Variants in PCDH15 observed in about 807,000 individuals in gnomAD.
The protein encoded by PCDH15 is protocadherin related 15, also known as protocadherin-15.
A neutral mutation model predicts 178.5 loss-of-function variants in PCDH15; 129 were observed. That is an observed-to-expected ratio of 0.72 (90% CI 0.63 to 0.84). The LOEUF (loss-of-function observed/expected upper bound fraction) is 0.84. Ranked by LOEUF, PCDH15 falls within the 40% of genes least tolerant of loss-of-function variation. The pLI, the probability that PCDH15 is intolerant of heterozygous loss-of-function variation, is 0.00. For synonymous variants in PCDH15, 800 were observed against 732.0 expected, an observed-to-expected ratio of 1.09 and a Z score of -1.50; for missense variants, 2,230 against 2,099.9, an observed-to-expected ratio of 1.06 and a Z score of -1.21.
At chr10:55,436,436 A>G (rs569896516) in intron 2 of PCDH15, among the ~76,000 whole-genome samples, 1 of 152,284 alleles carries the variant, frequency 6.6e-6, no homozygotes, top group African/African-American at 2.4e-5. Flanking sequence ...ATTATGACAT[A>G]TAAGTTATTT....
intron 2 of PCDH15, among the ~76,000 whole-genome samples, chr10:55,083,224 C>T (rs947426849): frequency 1.3e-5 from 2 of 151,540 alleles, no homozygotes; most frequent in Non-Finnish European, 1.5e-5. Context: ...GGAATTTATC[C>T]CAGAGATGCA....
intron 18 of PCDH15, among the ~76,000 whole-genome samples, chr10:54,063,390 C>G (rs966377632): frequency 1.3e-5 from 2 of 152,158 alleles, no homozygotes; most frequent in African/African-American, 4.8e-5. Context: ...CTTCTTGAGT[C>G]AACTTCAGCA....
At chr10:54,719,919 T>C (rs915234935) in intron 1 of PCDH15, among the ~76,000 whole-genome samples, 6 of 152,114 alleles carry the variant, frequency 3.9e-5, no homozygotes, top group African/African-American at 1.2e-4. Context: ...CTTTATCCAG[T>C]CTACTATTGA....
At chr10:53,917,610 A>G (rs74712102) in intron 25 of PCDH15, among the ~76,000 whole-genome samples, 1,670 of 152,312 alleles carry the variant, frequency 0.011, 33 homozygotes, top group African/African-American at 0.038. Flanking sequence ...ACAGACACAC[A>G]CACAACAGAT....
At chr10:55,375,401 T>A (rs1588966693) in intron 2 of PCDH15, among the ~76,000 whole-genome samples, 1 of 152,128 alleles carries the variant, frequency 6.6e-6, no homozygotes, top group Non-Finnish European at 1.5e-5. Context: ...CATGATTTCC[T>A]AGTCATTGTT....
At position 54,935,857 on chromosome 10, in the gene PCDH15, T is replaced by A. The variant is rs192178770; in HGVS notation, c.-79-38357A>T. ...GAGACATGTCCCCCAAAAGGAATTT[T>A]TTTATGTTCTGAAAGCATTTTATCA... On this transcript the variant is annotated intron_variant, in intron 2 of 5. Transcript: ENST00000458638. 2.0e-5 allele frequency among the ~76,000 whole-genome samples: 3 copies of A among 152,236 alleles called. No homozygotes were observed. In the East Asian group the frequency reaches 5.8e-4, roughly 29 times the overall value.
chr10:54,308,839 C>T (rs1285539787), intron 8 of PCDH15, among the ~76,000 whole-genome samples: 2 of 151,596 alleles, frequency 1.3e-5, no homozygotes, highest in African/African-American at 4.8e-5. Context: ...AATCACAATA[C>T]AATTTCACAT....
chr10:55,477,756 T>C (rs144100695), intron 2 of PCDH15, among the ~76,000 whole-genome samples: 1 of 151,952 alleles, frequency 6.6e-6, no homozygotes, highest in Non-Finnish European at 1.5e-5. Context: ...CCTAGCACCA[T>C]GCTCAGGCCA....
intron 2 of PCDH15, among the ~76,000 whole-genome samples, chr10:55,395,177 G>GTGTA (rs1249105970): frequency 1.2e-5 from 1 of 85,926 alleles, no homozygotes. Context: ...GCGTGTGTGT[G>GTGTA]TGTGTGTGTG....
chr10:55,449,124 A>G (rs563256894), intron 2 of PCDH15, among the ~76,000 whole-genome samples: 2 of 152,164 alleles, frequency 1.3e-5, no homozygotes, highest in South Asian at 4.1e-4. Flanking sequence ...TTGAGTAAAA[A>G]TAATTCTAAA....
intron 9 of PCDH15, among the ~76,000 whole-genome samples, chr10:54,229,997 T>G (rs1163952058): frequency 6.6e-6 from 1 of 152,210 alleles, no homozygotes; most frequent in East Asian, 1.9e-4. Flanking sequence ...TGGGCAGGAA[T>G]TGTCCTTGCT....
chr10:54,803,764 T>G (rs569481638), upstream of PCDH15, among the ~76,000 whole-genome samples: 1 of 152,336 alleles, frequency 6.6e-6, no homozygotes, highest in East Asian at 1.9e-4. Flanking sequence ...TAGTTTACTT[T>G]ACGACGGAAA....
chr10:55,542,642 T>C (rs568850960), intron 2 of PCDH15, among the ~76,000 whole-genome samples: 70 of 138,418 alleles, frequency 5.1e-4, no homozygotes, highest in African/African-American at 1.8e-3. Context: ...TACAGACATA[T>C]GTATGTGTCT....
intron 2 of PCDH15, among the ~76,000 whole-genome samples, chr10:55,084,760 C>T (rs1842125130): frequency 1.3e-5 from 2 of 151,900 alleles, no homozygotes; most frequent in Non-Finnish European, 2.9e-5. Flanking sequence ...TAAACATTGG[C>T]TAAAGATCTG....
chr10:54,818,083 CT>C (rs1206025260), intron 3 of PCDH15, among the ~76,000 whole-genome samples: 1 of 151,826 alleles, frequency 6.6e-6, no homozygotes, highest in Non-Finnish European at 1.5e-5. Flanking sequence ...CACATCTCAT[CT>C]TTTTTTTCCT....
At chr10:54,055,063 C>G (rs1168186708) in intron 18 of PCDH15, among the ~76,000 whole-genome samples, 1 of 152,084 alleles carries the variant, frequency 6.6e-6, no homozygotes, top group Non-Finnish European at 1.5e-5. Flanking sequence ...CACTGAGGTT[C>G]AGATTTATTT....
At chr10:54,600,330 CAT>C in intron 2 of PCDH15, 1 of 540,014 alleles carries the variant, frequency 1.9e-6, no homozygotes, top group Admixed American at 2.3e-5. Context: ...GGAAGAAAGA[CAT>C]AGCTGTCAAT....
At chr10:54,039,382 TCA>T (rs1212453944) in intron 18 of PCDH15, among the ~76,000 whole-genome samples, 2 of 151,922 alleles carry the variant, frequency 1.3e-5, no homozygotes, top group Non-Finnish European at 2.9e-5. Context: ...AAGGGCCATA[TCA>T]CACAAATACA....
intron 2 of PCDH15, among the ~76,000 whole-genome samples, chr10:55,049,881 G>T (rs1352963947): frequency 6.6e-6 from 1 of 151,888 alleles, no homozygotes; most frequent in Non-Finnish European, 1.5e-5. Context: ...TGGCAATTTT[G>T]CAAAATTCAG....
Sources: gnomAD v4.1 joint callset for allele counts (sites outside exome capture counted in the v4.1 genomes callset) on GRCh38, gnomAD v4.1.1 for gene constraint, MANE v1.5 for transcripts, NCBI Gene and HGNC (gene_info 2026-07-23, HGNC 2026-07-21) for gene names.